The following PHF24 variants were observed in gnomAD, a reference collection of about 807,000 sequenced individuals.
PHF24 encodes the protein PHD finger protein 24.
In PHF24, 25 loss-of-function variants were observed where a neutral mutation model predicts 42.6. The observed-to-expected ratio is 0.59, with a 90% confidence interval of 0.43 to 0.82. The LOEUF (loss-of-function observed/expected upper bound fraction) is 0.82, where lower values mean the gene tolerates loss of function less well. Ranked by LOEUF, PHF24 falls within the 40% of genes least tolerant of loss-of-function variation. PHF24 has a pLI of 0.00. For synonymous variants in PHF24, 185 were observed against 204.8 expected (o/e 0.90, Z 0.83); for missense variants, 470 against 538.1 (o/e 0.87, Z 1.25).
chr9:34,737,954 T>C, the PHF24 span, among the ~76,000 whole-genome samples: 3 of 150,652 alleles, frequency 2.0e-5, no homozygotes, highest in African/African-American at 7.5e-5. Flanking sequence ...GGCTTTTGTC[T>C]AGCTTTTTTT....
At chr9:34,747,078 C>T in the PHF24 span, among the ~76,000 whole-genome samples, 3 of 151,986 alleles carry the variant, frequency 2.0e-5, no homozygotes, top group Admixed American at 6.6e-5. Context: ...AATATATATA[C>T]AAAATGTTTA....
the PHF24 span, chr9:34,835,190 G>A: frequency 1.9e-6 from 3 of 1,551,458 alleles, no homozygotes; most frequent in Non-Finnish European, 2.6e-6. Flanking sequence ...AACCCAGAAG[G>A]TCTGGATGGG....
the PHF24 span, among the ~76,000 whole-genome samples, chr9:34,758,225 G>A: frequency 6.6e-6 from 1 of 152,144 alleles, no homozygotes; most frequent in Admixed American, 6.5e-5. This position sits in a 1 kb window ranked among gnomAD's most constrained non-coding sequence, Gnocchi z 4.4. Context: ...TTGATAGCAG[G>A]CATGGAGCCT....
At chr9:34,701,738 C>T in the PHF24 span, among the ~76,000 whole-genome samples, 1 of 151,954 alleles carries the variant, frequency 6.6e-6, no homozygotes, top group Non-Finnish European at 1.5e-5. The surrounding 1 kb of genome is among the most constrained non-coding windows in gnomAD (Gnocchi z 5.8). Flanking sequence ...AGGACACCGC[C>T]GTCCGGCCAA....
chr9:34,915,453 C>G, the PHF24 span, among the ~76,000 whole-genome samples: 3 of 150,576 alleles, frequency 2.0e-5, no homozygotes, highest in African/African-American at 7.3e-5. Flanking sequence ...AGGTAGTCCT[C>G]ATTTCATATT....
chr9:34,846,241 C>T, the PHF24 span, among the ~76,000 whole-genome samples: 1 of 152,212 alleles, frequency 6.6e-6, no homozygotes, highest in Non-Finnish European at 1.5e-5. Context: ...TCCTATTTCT[C>T]CACATCCTCT....
chr9:34,708,226 C>T, the PHF24 span, among the ~76,000 whole-genome samples: 2 of 152,058 alleles, frequency 1.3e-5, no homozygotes, highest in African/African-American at 4.8e-5. Flanking sequence ...ACACCTGAAT[C>T]CTGGGGTTCT....
chr9:34,927,670 G>A, the PHF24 span, among the ~76,000 whole-genome samples: 1 of 152,108 alleles, frequency 6.6e-6, no homozygotes, highest in Non-Finnish European at 1.5e-5. Context: ...CAATCCAGGT[G>A]GGGGAGACAG....
upstream of PHF24, among the ~76,000 whole-genome samples, chr9:34,953,255 A>G (rs772974773): frequency 9.2e-5 from 14 of 152,154 alleles, no homozygotes; most frequent in Non-Finnish European, 1.3e-4. This position sits in a 1 kb window ranked among gnomAD's most constrained non-coding sequence, Gnocchi z 4.1. Flanking sequence ...AGCTCAAACA[A>G]TCCTCCACCT....
chr9:34,690,251 G>A, the PHF24 span: 4 of 1,614,088 alleles, frequency 2.5e-6, no homozygotes, highest in East Asian at 4.5e-5. Context: ...TGAGAAGGTA[G>A]TGGAAGTTCC....
At chr9:34,670,910 C>G in the PHF24 span, among the ~76,000 whole-genome samples, 1 of 152,166 alleles carries the variant, frequency 6.6e-6, no homozygotes, top group Admixed American at 6.5e-5. Flanking sequence ...CTCCCAGATT[C>G]TCCAGACCTC....
chr9:34,826,647 TG>T, the PHF24 span, among the ~76,000 whole-genome samples: 1 of 152,172 alleles, frequency 6.6e-6, no homozygotes, highest in Non-Finnish European at 1.5e-5. Flanking sequence ...CTCCCACTGC[TG>T]GTGGTCGGTT....
At chr9:34,833,280 G>A in the PHF24 span, 3 of 1,551,168 alleles carry the variant, frequency 1.9e-6, no homozygotes, top group Non-Finnish European at 2.6e-6. Flanking sequence ...TGAACACAAG[G>A]CATGTGGGCC....
At chr9:34,839,781 C>T in the PHF24 span, among the ~76,000 whole-genome samples, 2 of 152,286 alleles carry the variant, frequency 1.3e-5, no homozygotes, top group East Asian at 1.9e-4. Context: ...GACAAATTTA[C>T]GTGAATCAAG....
chr9:34,757,925 A>C, the PHF24 span, among the ~76,000 whole-genome samples: 1 of 152,198 alleles, frequency 6.6e-6, no homozygotes, highest in South Asian at 2.1e-4. Context: ...GTGGTTGCTC[A>C]GTCTGCCTTG....
chr9:34,936,602 G>T, the PHF24 span, among the ~76,000 whole-genome samples: 1 of 150,400 alleles, frequency 6.6e-6, no homozygotes, highest in Admixed American at 6.6e-5. Flanking sequence ...CTGCCCTGCC[G>T]CCATCCCATC....
chr9:34,751,282 T>C, the PHF24 span, among the ~76,000 whole-genome samples: 1 of 152,264 alleles, frequency 6.6e-6, no homozygotes, highest in Non-Finnish European at 1.5e-5. Context: ...GGAGAATCAC[T>C]TGAACACAGG....
At chr9:34,675,819 G>C in the PHF24 span, among the ~76,000 whole-genome samples, 1 of 152,142 alleles carries the variant, frequency 6.6e-6, no homozygotes, top group Non-Finnish European at 1.5e-5. Flanking sequence ...TCTGCTATGT[G>C]GTTGGAGATG....
chr9:34,712,381 T>C, the PHF24 span, among the ~76,000 whole-genome samples: 5 of 152,200 alleles, frequency 3.3e-5, no homozygotes, highest in Non-Finnish European at 7.3e-5. Flanking sequence ...TTCAATTTTT[T>C]TAATGCCCTG....
Sources: gnomAD v4.1 joint callset for allele counts (sites outside exome capture counted in the v4.1 genomes callset) on GRCh38, gnomAD v4.1.1 for gene constraint, Gnocchi (gnomAD v3.1) non-coding constraint, MANE v1.5 for transcripts, NCBI Gene and HGNC (gene_info 2026-07-23, HGNC 2026-07-21) for gene names.